The following CWC27 variants were observed in gnomAD, a reference collection of about 807,000 sequenced individuals.
CWC27 encodes the protein spliceosome-associated protein CWC27 homolog.
CWC27 carries 47 observed loss-of-function variants against 63.6 expected under a neutral mutation model. The ratio of observed to expected loss-of-function variants is 0.74; its 90% CI spans 0.58 to 0.94. The LOEUF is 0.94. Ranked by LOEUF, CWC27 falls within the 40% of genes least tolerant of loss-of-function variation. The pLI is 0.00. For synonymous variants in CWC27, 175 were observed against 179.8 expected (o/e 0.97, Z 0.22); for missense variants, 495 against 554.3 (o/e 0.89, Z 1.07).
intron 7 of CWC27, among the ~76,000 whole-genome samples, chr5:64,794,277 G>A: frequency 6.6e-6 from 1 of 152,136 alleles, no homozygotes; most frequent in African/African-American, 2.4e-5. Context: ...AGATAGTACA[G>A]TCAGATAGAT....
At chr5:64,929,308 G>T (rs1040742301) in intron 11 of CWC27, among the ~76,000 whole-genome samples, 2 of 151,780 alleles carry the variant, frequency 1.3e-5, no homozygotes, top group Admixed American at 6.6e-5. Flanking sequence ...AGGAACCAGG[G>T]TAATTTGAAG....
At chr5:64,879,108 A>G (rs965662344) in intron 10 of CWC27, among the ~76,000 whole-genome samples, 1 of 151,966 alleles carries the variant, frequency 6.6e-6, no homozygotes, top group Non-Finnish European at 1.5e-5. Flanking sequence ...TTTATAAAGG[A>G]AAAAGGAAAG....
intron 13 of CWC27, among the ~76,000 whole-genome samples, chr5:65,011,002 G>A (rs1428404359): frequency 6.6e-6 from 1 of 152,146 alleles, no homozygotes; most frequent in Non-Finnish European, 1.5e-5. Context: ...TTTATTGAGG[G>A]CATTCTTCTT....
chr5:64,819,021 G>T (rs1745122185), intron 10 of CWC27, among the ~76,000 whole-genome samples: 2 of 152,128 alleles, frequency 1.3e-5, no homozygotes, highest in Admixed American at 1.3e-4. Context: ...TACACATGTT[G>T]CTTAGCTTTT....
intron 10 of CWC27, among the ~76,000 whole-genome samples, chr5:64,828,873 C>T (rs1456973424): frequency 6.6e-6 from 1 of 151,952 alleles, no homozygotes; most frequent in African/African-American, 2.4e-5. Flanking sequence ...TTTCCCTCTA[C>T]CCATAAAATA....
chr5:64,896,887 A>G (rs1282774789), intron 11 of CWC27, among the ~76,000 whole-genome samples: 4 of 152,186 alleles, frequency 2.6e-5, no homozygotes, highest in African/African-American at 4.8e-5. Flanking sequence ...AAGAAATTCA[A>G]TGCAACTTAT....
intron 3 of CWC27, among the ~76,000 whole-genome samples, chr5:64,782,652 T>C (rs1434828719): frequency 6.6e-6 from 1 of 152,142 alleles, no homozygotes; most frequent in Non-Finnish European, 1.5e-5. Flanking sequence ...AATATCATGT[T>C]CTTTGAATGA....
At chr5:64,989,196 GTTGT>G (rs1749491162) in intron 13 of CWC27, among the ~76,000 whole-genome samples, 2 of 152,178 alleles carry the variant, frequency 1.3e-5, no homozygotes, top group African/African-American at 4.8e-5. Flanking sequence ...GCTTCTCAGA[GTTGT>G]TTATCAATAC....
chr5:64,863,595 A>G (rs1275576136), intron 10 of CWC27, among the ~76,000 whole-genome samples: 1 of 152,024 alleles, frequency 6.6e-6, no homozygotes, highest in African/African-American at 2.4e-5. Context: ...CCTGGGCTCA[A>G]GTGATCCTTC....
intron 7 of CWC27, 43 bp downstream of exon 7, chr5:64,789,063 T>C (rs993356705): frequency 7.2e-7 from 1 of 1,379,636 alleles, no homozygotes; most frequent in Non-Finnish European, 1.0e-6. Context: ...CAAAAGAGAT[T>C]GGGGTCTATA....
intron 11 of CWC27, among the ~76,000 whole-genome samples, chr5:64,937,862 T>A (rs1305456369): frequency 6.6e-6 from 1 of 152,042 alleles, no homozygotes; most frequent in African/African-American, 2.4e-5. Context: ...CTTCTTTGTC[T>A]TTTTTGATCT....
intron 11 of CWC27, among the ~76,000 whole-genome samples, chr5:64,915,989 T>C (rs1177843784): frequency 6.6e-6 from 1 of 152,206 alleles, no homozygotes; most frequent in Non-Finnish European, 1.5e-5. Context: ...TCTGCTACTC[T>C]GGAAGGTTTT....
At chr5:64,808,805 G>A (rs1209033222) in intron 10 of CWC27, among the ~76,000 whole-genome samples, 5 of 152,064 alleles carry the variant, frequency 3.3e-5, no homozygotes, top group Non-Finnish European at 2.9e-5. Context: ...ACTCCTAACC[G>A]CACATTAGGC....
intron 7 of CWC27, 58 bp downstream of exon 7, chr5:64,789,078 ACT>A: frequency 1.7e-6 from 2 of 1,195,478 alleles, no homozygotes; most frequent in Non-Finnish European, 2.4e-6. Flanking sequence ...TCTATATCTT[ACT>A]CACTATTGTA....
At chr5:64,849,520 A>G (rs1310083303) in intron 10 of CWC27, among the ~76,000 whole-genome samples, 1 of 151,986 alleles carries the variant, frequency 6.6e-6, no homozygotes, top group African/African-American at 2.4e-5. Context: ...GGTTAGCACC[A>G]TCCCTCTAGT....
chr5:64,843,058 G>T (rs1211838774), intron 10 of CWC27, among the ~76,000 whole-genome samples: 2 of 152,160 alleles, frequency 1.3e-5, no homozygotes, highest in Non-Finnish European at 2.9e-5. Context: ...CTCTTTCAAG[G>T]TTTTGTGTAA....
In CWC27 at chr5:64,828,446, A is replaced by G. The variant is rs368144477; in HGVS notation, c.938+24060A>G. 4.4e-4 allele frequency among the ~76,000 whole-genome samples: 67 copies of G among 151,974 alleles called. 1 individual carries two copies. The highest frequency in any genetic ancestry group is 1.6e-3 in the African/African-American group (65 of 41,468). ...AATAACTGAATTTTTTTTTTCTCAC[A>G]GTTCTGGAGGCTGGGAAGTCCAAGA... On this transcript the variant is annotated intron_variant, in intron 10 of 13. Transcript: ENST00000381070.
chr5:64,802,641 C>T (rs879843319), intron 9 of CWC27, among the ~76,000 whole-genome samples: 4 of 152,024 alleles, frequency 2.6e-5, no homozygotes, highest in Admixed American at 6.6e-5. Flanking sequence ...GTGACTGATT[C>T]TACACTATGA....
chr5:64,866,058 C>T (rs1045742343), intron 10 of CWC27, among the ~76,000 whole-genome samples: 6 of 152,028 alleles, frequency 3.9e-5, no homozygotes, highest in African/African-American at 1.2e-4. Context: ...AGAGATTTTA[C>T]AAGTCACTGG....
Sources: gnomAD v4.1 joint callset for allele counts (sites outside exome capture counted in the v4.1 genomes callset) on GRCh38, gnomAD v4.1.1 for gene constraint, MANE v1.5 for transcripts, NCBI Gene and HGNC (gene_info 2026-07-23, HGNC 2026-07-21) for gene names.